SUPT3H: variants seen among roughly 807,000 people sequenced by gnomAD.
The protein encoded by SUPT3H is SPT3 homolog, SAGA and STAGA complex component.
SUPT3H carries 44 observed loss-of-function variants against 44.3 expected under a neutral mutation model. The ratio of observed to expected loss-of-function variants is 0.99; its 90% CI spans 0.78 to 1.28. The LOEUF is 1.28. SUPT3H is among the 50% of genes most tolerant of loss of function. SUPT3H has a pLI of 0.00. For synonymous variants in SUPT3H, 124 were observed against 125.6 expected (o/e 0.99, Z 0.09); for missense variants, 380 against 387.1 (o/e 0.98, Z 0.15).
chr6:45,172,758 A>T (rs1404291775), intron 2 of SUPT3H, among the ~76,000 whole-genome samples: 10 of 151,786 alleles, frequency 6.6e-5, no homozygotes. Flanking sequence ...TGCCCAGCTA[A>T]TTTTTGTATT....
intron 10 of SUPT3H, among the ~76,000 whole-genome samples, chr6:44,890,480 A>C (rs1488413195): frequency 6.6e-6 from 1 of 151,750 alleles, no homozygotes; most frequent in Non-Finnish European, 1.5e-5. Flanking sequence ...GAAATTGGAA[A>C]TCATCATTCT....
chr6:45,357,708 A>C (rs920580414), intron 2 of SUPT3H, among the ~76,000 whole-genome samples: 7 of 152,204 alleles, frequency 4.6e-5, no homozygotes, highest in African/African-American at 1.7e-4. Context: ...AAAAATAATG[A>C]ATTGACAGAA....
intron 2 of SUPT3H, among the ~76,000 whole-genome samples, chr6:45,272,027 T>C (rs1215298609): frequency 2.0e-5 from 3 of 152,184 alleles, no homozygotes; most frequent in African/African-American, 7.2e-5. Context: ...GGAATGGCTG[T>C]ATTTACCCAA....
chr6:45,127,568 C>G (rs1338737313), intron 2 of SUPT3H, among the ~76,000 whole-genome samples: 1 of 152,092 alleles, frequency 6.6e-6, no homozygotes, highest in Non-Finnish European at 1.5e-5. Flanking sequence ...GACTCTAAAT[C>G]CAGAGTTAGC....
chr6:45,333,106 G>A (rs1454817571), intron 2 of SUPT3H, among the ~76,000 whole-genome samples: 4 of 151,668 alleles, frequency 2.6e-5, no homozygotes, highest in Non-Finnish European at 5.9e-5. Flanking sequence ...AATCTGAGAT[G>A]TTAGTATCTT....
rs1767963783 is a variant in SUPT3H, at chr6:44,828,063, A to T, written c.*1753T>A. Among the ~76,000 whole-genome samples the T allele has an allele frequency of 6.6e-6, 1 of 152,138 alleles. No homozygotes were observed. On this transcript the variant is annotated 3_prime_UTR_variant, in exon 11 of 11. Transcript: ENST00000371459. ...ACCCTATATTTTCTGCCTTGTGCAT[A>T]CTTTAAAATGTATAATGTGGGAGAG... is the stretch of plus-strand genomic sequence containing the variant.
At chr6:44,958,835 A>AT (rs532883936) in intron 7 of SUPT3H, among the ~76,000 whole-genome samples, 109 of 149,390 alleles carry the variant, frequency 7.3e-4, no homozygotes, top group Non-Finnish European at 1.3e-3. Context: ...AAAAAATGAC[A>AT]TTAGGCCAAG....
chr6:44,933,422 T>C (rs902005526), intron 9 of SUPT3H, among the ~76,000 whole-genome samples: 11 of 152,188 alleles, frequency 7.2e-5, no homozygotes, highest in African/African-American at 2.7e-4. Flanking sequence ...TAAGAAATTA[T>C]AGATGTGTAT....
chr6:45,283,050 C>A (rs935004680), intron 2 of SUPT3H, among the ~76,000 whole-genome samples: 1 of 152,120 alleles, frequency 6.6e-6, no homozygotes, highest in African/African-American at 2.4e-5. Flanking sequence ...GATTTTGTCA[C>A]CACCAGGCCT....
At position 45,153,995 on chromosome 6, in the gene SUPT3H, G is replaced by A. The variant is rs184468858; in HGVS notation, c.102-47989C>T. 2.8e-3 allele frequency among the ~76,000 whole-genome samples: 395 copies of A among 141,442 alleles called. 4 individuals are homozygous for A. Among genetic ancestry groups the A allele is most frequent in the African/African-American group, 9.1e-3 (354 of 38,960 alleles). 92.8% of individuals were successfully genotyped at this position (141,442 alleles called of 152,430 possible). A position where few individuals can be genotyped will look rare whatever the true frequency, so the allele number is the denominator to read the frequency against. On this transcript the variant is annotated intron_variant, in intron 2 of 10. Transcript: ENST00000371459. ...TGAGGCAGGAGAATCGCTTGAACCCGGGAGGCGGAGGTTCCAGTGAGCTGA... is the reference window on the plus strand; with the variant it reads ...TGAGGCAGGAGAATCGCTTGAACCCAGGAGGCGGAGGTTCCAGTGAGCTGA...
chr6:45,123,731 T>C (rs1050095648), intron 2 of SUPT3H, among the ~76,000 whole-genome samples: 1 of 152,178 alleles, frequency 6.6e-6, no homozygotes, highest in East Asian at 1.9e-4. Context: ...TATCTTCAAC[T>C]TTGTGGGCTA....
rs549076233 is a variant in SUPT3H at position 45,293,119 on chromosome 6, G to A, written c.101+72082C>T. Among the ~76,000 whole-genome samples the A allele has an allele frequency of 2.0e-5, 3 of 152,074 alleles. No homozygotes were observed. In the South Asian group the frequency reaches 6.2e-4, roughly 32 times the overall value. On this transcript the variant is annotated intron_variant, in intron 2 of 10. Coordinates refer to ENST00000371459, the MANE Select transcript of SUPT3H (RefSeq NM_003599.4). ...GAGCCTCAATAAATTTAAGAAAACT[G>A]AAATTATATCAAGCACTCTTTCAAA...
chr6:44,940,557 C>T (rs567984655), intron 9 of SUPT3H, among the ~76,000 whole-genome samples: 1 of 152,162 alleles, frequency 6.6e-6, no homozygotes, highest in East Asian at 1.9e-4. Flanking sequence ...TCCTTTTGGT[C>T]TAAAGTCCAA....
chr6:44,986,946 T>C (rs958653538), intron 6 of SUPT3H, among the ~76,000 whole-genome samples: 2 of 152,132 alleles, frequency 1.3e-5, no homozygotes, highest in South Asian at 2.1e-4. Context: ...ACTGTTCCTT[T>C]TGTCAGTCTG....
intron 2 of SUPT3H, among the ~76,000 whole-genome samples, chr6:45,240,107 C>T (rs1196727440): frequency 1.3e-5 from 2 of 152,030 alleles, no homozygotes; most frequent in East Asian, 3.9e-4. Flanking sequence ...CAGGCCAAAA[C>T]CAGCAGCCAA....
At position 44,896,917 on chromosome 6, in the gene SUPT3H, C is replaced by T. The variant is rs74713600; in HGVS notation, c.912+35736G>A. ...TGTAATACCATCTCATTTATCAGAT[C>T]CAGATTCTCTTTAGGGCACTGTGCC... is the stretch of plus-strand genomic sequence containing the variant. On this transcript the variant is annotated intron_variant, in intron 10 of 10. Coordinates refer to ENST00000371459, the MANE Select transcript of SUPT3H (RefSeq NM_003599.4). Among the ~76,000 whole-genome samples the T allele has an allele frequency of 1.6e-4, 24 of 152,252 alleles. 1 individual carries two copies. In the East Asian group the frequency reaches 3.9e-3, roughly 25 times the overall value.
chr6:44,857,531 T>C (rs1582022314), intron 10 of SUPT3H, among the ~76,000 whole-genome samples: 1 of 152,364 alleles, frequency 6.6e-6, no homozygotes, highest in South Asian at 2.1e-4. Flanking sequence ...ATGCACTCTT[T>C]GGTTATTCAG....
intron 5 of SUPT3H, among the ~76,000 whole-genome samples, chr6:45,007,733 CCCA>C (rs1265375229): frequency 1.3e-5 from 2 of 150,528 alleles, no homozygotes; most frequent in East Asian, 1.9e-4. Flanking sequence ...AGTATTCCCC[CCCA>C]CTTTTTTTTT....
At chr6:45,365,415 G>T in intron 1 of SUPT3H, 114 bp from the exon 2 acceptor site, 1 of 685,818 alleles carries the variant, frequency 1.5e-6, no homozygotes, top group Non-Finnish European at 2.4e-6. Context: ...TTAAATTTCT[G>T]ATTTGTTTTG....
Sources: allele counts gnomAD v4.1 joint callset (sites outside exome capture counted in the v4.1 genomes callset), GRCh38; gene constraint gnomAD v4.1.1; transcripts MANE v1.5; gene names NCBI Gene and HGNC (gene_info 2026-07-23, HGNC 2026-07-21).